USP7: variants seen among roughly 807,000 people sequenced by gnomAD.
The protein encoded by USP7 is ubiquitin C-terminal hydrolase 7.
USP7 carries 9 observed loss-of-function variants against 162.9 expected under a neutral mutation model. The ratio of observed to expected loss-of-function variants is 0.06; its 90% CI spans 0.03 to 0.10. USP7 has a LOEUF of 0.10. USP7 is among the 10% of genes least tolerant of loss of function. The probability of loss-of-function intolerance (pLI) is 1.00; values close to 1 mark genes in which losing one functional copy is unlikely to be tolerated. For synonymous variants in USP7, 562 were observed against 475.9 expected (o/e 1.18, Z -2.35); for missense variants, 715 against 1,373.7 (o/e 0.52, Z 7.58).
intron 1 of USP7, among the ~76,000 whole-genome samples, chr16:8,952,710 A>C (rs1397043229): frequency 6.6e-6 from 1 of 152,170 alleles, no homozygotes; most frequent in Non-Finnish European, 1.5e-5. Flanking sequence ...AGCGATTAGG[A>C]CATGGACACC....
chr16:8,923,672 A>C (rs1221275939), intron 2 of USP7, among the ~76,000 whole-genome samples: 1 of 152,232 alleles, frequency 6.6e-6, no homozygotes, highest in Non-Finnish European at 1.5e-5. Flanking sequence ...TGAGTTCCAC[A>C]TGAGAACAAT....
chr16:8,900,682 T>A, intron 20 of USP7, 52 bp from the exon 21 acceptor site: 2 of 1,316,434 alleles, frequency 1.5e-6, no homozygotes, highest in East Asian at 4.6e-5. Flanking sequence ...TAACGTTTAA[T>A]ATGGCCAGAT....
chr16:8,932,926 T>A (rs1226291417), intron 1 of USP7, among the ~76,000 whole-genome samples: 1 of 152,038 alleles, frequency 6.6e-6, no homozygotes, highest in African/African-American at 2.4e-5. Flanking sequence ...GCCTATTAAA[T>A]AAATTATGGC....
chr16:8,903,489 G>A, intron 15 of USP7, 87 bp from the exon 16 acceptor site: 1 of 1,412,630 alleles, frequency 7.1e-7, no homozygotes, highest in Admixed American at 2.7e-5. Flanking sequence ...CTAAAACGCT[G>A]AAAACTCATT....
At chr16:8,901,569 G>A (rs755535518) in intron 18 of USP7, among the ~76,000 whole-genome samples, 6 of 152,094 alleles carry the variant, frequency 3.9e-5, no homozygotes, top group African/African-American at 7.2e-5. Flanking sequence ...GGAAGATTGC[G>A]CATGGTCTTG....
rs114539916 is a variant in USP7 at position 8,940,733 on chromosome 16, T to A, written c.80-10336A>T. ...ATCAGAGGCTGTGGAGTGAGATCAATCCCCTCTGCGAGGCCTCTCCTAGGT... is the reference window on the plus strand; with the variant it reads ...ATCAGAGGCTGTGGAGTGAGATCAAACCCCTCTGCGAGGCCTCTCCTAGGT... On this transcript the variant is annotated intron_variant, in intron 1 of 30. Transcript: ENST00000344836. Among the ~76,000 whole-genome samples the A allele has an allele frequency of 8.3e-3, 1,262 of 152,184 alleles. 21 individuals are homozygous for A. Among genetic ancestry groups the A allele is most frequent in the African/African-American group, 0.028 (1,154 of 41,536 alleles).
chr16:8,892,606 T>TAAAAAAAAAAAAAAAAAAAAAAAAAA lies in USP7; in HGVS notation c.*1391_*1392insTTTTTTTTTTTTTTTTTTTTTTTTTT. 1 of 120,020 alleles carries TAAAAAAAAAAAAAAAAAAAAAAAAAA rather than the reference T, an allele frequency of 8.3e-6. No homozygotes were observed. The highest frequency in any genetic ancestry group is 1.7e-5 in the Non-Finnish European group (1 of 57,826). 7.4% of individuals were successfully genotyped at this position (120,020 alleles called of 1,614,324 possible). ...AGAGTAAATGTGACTAGTTAGAGGC[T>TAAAAAAAAAAAAAAAAAAAAAAAAAA]AAAAAAAAAAAAAAAAAAAAAAAGA... On this transcript the variant is annotated 3_prime_UTR_variant, in exon 31 of 31. Transcript: ENST00000344836.
rs760295224 is a variant in USP7, at chr16:8,899,723, T to C, written c.2344A>G (p.Thr782Ala). Residue 782 changes from threonine to alanine, a missense_variant, in exon 22 of 31, where the codon ACC (threonine) becomes GCC (alanine). By Grantham distance (58) the Thr-to-Ala change is moderately conservative (BLOSUM62 0). This residue lies in a region of USP7 where 222 missense variants were observed against 441.7 expected (regional missense o/e 0.50). Transcript: ENST00000344836. ...AGATCTCGGAAATACTCCTTTGCGGTGGGTAATTCACTGTTATCATTTTCA... is the reference window on the plus strand; with the variant it reads ...AGATCTCGGAAATACTCCTTTGCGGCGGGTAATTCACTGTTATCATTTTCA... ...DPENDNSELP[T>A]AKEYFRDLYH... 6.2e-7 allele frequency: 1 copy of C among 1,613,498 alleles called. No homozygotes were observed. The highest frequency in any genetic ancestry group is 1.1e-5 in the South Asian group (1 of 91,036).
rs2061617248 is a variant in USP7 at position 8,892,682 on chromosome 16, C to T, written c.*1316G>A. 6.6e-6 allele frequency: 1 copy of T among 150,996 alleles called. No individual in the cohort carries two copies. The highest frequency in any genetic ancestry group is 3.5e-3 in the Middle Eastern group (1 of 286). The allele number at this position is 150,996 out of a possible 1,614,324, so 9.4% of individuals were successfully genotyped here. On this transcript the variant is annotated 3_prime_UTR_variant, in exon 31 of 31. Transcript: ENST00000344836. ...CGGAATTAGAAGGAAAAGTACATCT[C>T]AGTGAAACCTTGTTACAAATGCCAA...
Position 8,892,128 on chromosome 16 carries a change from G to A in USP7, c.*1870C>T, listed in dbSNP as rs2061607444. ...AAAAGAGTCATTTAATACCTTAAGGGAGAGTAGGAACTTTCAGTTACCTAA... is the reference window on the plus strand; with the variant it reads ...AAAAGAGTCATTTAATACCTTAAGGAAGAGTAGGAACTTTCAGTTACCTAA... On this transcript the variant is annotated 3_prime_UTR_variant, in exon 31 of 31. Coordinates refer to ENST00000344836, the MANE Select transcript of USP7 (RefSeq NM_003470.3). 1 of 152,200 alleles carries A rather than the reference G, an allele frequency of 6.6e-6. No homozygotes were observed. Among genetic ancestry groups the A allele is most frequent in the Non-Finnish European group, 1.5e-5 (1 of 68,030 alleles). The allele number at this position is 152,200 out of a possible 1,614,324, so 9.4% of individuals were successfully genotyped here.
Position 8,902,465 on chromosome 16 carries a change from T to G in USP7, c.1857A>C (p.Gln619His). The change falls in exon 17 of 31, where the codon CAA becomes CAC. Residue 619 changes from glutamine (Q) to histidine (H), a missense_variant. By Grantham distance (24) the Gln-to-His change is conservative. This residue lies in a region of USP7 where 197 missense variants were observed against 306.5 expected (regional missense o/e 0.64). Coordinates refer to ENST00000344836, the MANE Select transcript of USP7 (RefSeq NM_003470.3). Reference protein sequence around the residue: ...LSQTMGFPQDQIRLWPMQARS... With the variant: ...LSQTMGFPQDHIRLWPMQARS... ...TTGCTTGCATGGGCCACAATCGAAT[T>G]TGATCTTGTGGAAATCCCTGAAAAA... is the stretch of plus-strand genomic sequence containing the variant. The G allele has an allele frequency of 6.2e-7, 1 of 1,613,878 alleles. No homozygotes were observed. Among genetic ancestry groups the G allele is most frequent in the Non-Finnish European group, 8.5e-7 (1 of 1,179,978 alleles).
At chr16:8,947,015 TACC>T (rs1567244132) in intron 1 of USP7, among the ~76,000 whole-genome samples, 1 of 152,198 alleles carries the variant, frequency 6.6e-6, no homozygotes, top group Non-Finnish European at 1.5e-5. Context: ...TTCATTAAGT[TACC>T]ACTTGTTTTG....
intron 1 of USP7, among the ~76,000 whole-genome samples, chr16:8,961,406 C>A (rs1374880043): frequency 1.3e-5 from 2 of 149,016 alleles, no homozygotes; most frequent in African/African-American, 2.5e-5. Flanking sequence ...GCAGGAAAAT[C>A]GCTTGAACCC....
chr16:8,926,431 A>G (rs1395911938), intron 2 of USP7, among the ~76,000 whole-genome samples: 1 of 152,174 alleles, frequency 6.6e-6, no homozygotes, highest in African/African-American at 2.4e-5. Context: ...CTGAGCTGAG[A>G]TCATGGCATT....
intron 1 of USP7, among the ~76,000 whole-genome samples, chr16:8,946,678 G>A (rs529908008): frequency 6.6e-6 from 1 of 152,252 alleles, no homozygotes; most frequent in South Asian, 2.1e-4. Flanking sequence ...CCAATAATCT[G>A]GTCACTGGCC....
At chr16:8,921,319 C>G in intron 3 of USP7, 24 bp from the exon 4 acceptor site, 1 of 1,605,576 alleles carries the variant, frequency 6.2e-7, no homozygotes, top group East Asian at 2.2e-5. Flanking sequence ...TAATCTGAGC[C>G]TTAGTTGACA....
chr16:8,906,698 T>C (rs1056451069), intron 12 of USP7, 116 bp from the exon 13 acceptor site: 17 of 1,102,056 alleles, frequency 1.5e-5, no homozygotes, highest in Non-Finnish European at 1.8e-5. Context: ...TAAGCATGAA[T>C]TGCCTTGGGA....
At position 8,899,129 on chromosome 16, in the gene USP7, C is replaced by T. The variant is rs2141168021; in HGVS notation, c.2523G>A (p.Lys841=). The T allele has an allele frequency of 1.2e-6, 2 of 1,614,208 alleles. No individual in the cohort carries two copies. Among genetic ancestry groups the T allele is most frequent in the Non-Finnish European group, 1.7e-6 (2 of 1,180,046 alleles). The change falls in exon 23 of 31, where the codon AAG becomes AAA. Residue 841 remains lysine, a synonymous_variant. Coordinates refer to ENST00000344836, the MANE Select transcript of USP7 (RefSeq NM_003470.3). ...CCACACATGTGACCTACCCTTGAGACTTGAAAAACTGCAGCAACATTGGAT... is the reference window on the plus strand; with the variant it reads ...CCACACATGTGACCTACCCTTGAGATTTGAAAAACTGCAGCAACATTGGAT... ...NTDPMLLQFF[K]SQGYRDGPGN...
chr16:8,892,759 G>C lies in USP7; in HGVS notation c.*1239C>G, dbSNP rs916559128. On this transcript the variant is annotated 3_prime_UTR_variant, in exon 31 of 31. Coordinates refer to ENST00000344836, the MANE Select transcript of USP7 (RefSeq NM_003470.3). ...AGTAGAAATCTTCCTCCACTTCCAC[G>C]TAACTCACTGAATTATAATTTTTAT... 6.6e-6 allele frequency: 1 copy of C among 152,092 alleles called. No homozygotes were observed. The highest frequency in any genetic ancestry group is 6.6e-5 in the Admixed American group (1 of 15,260). 9.4% of individuals were successfully genotyped at this position (152,092 alleles called of 1,614,324 possible).
Sources: allele counts gnomAD v4.1 joint callset (sites outside exome capture counted in the v4.1 genomes callset), GRCh38; gene constraint gnomAD v4.1.1; regional missense constraint gnomAD v4.1.1; transcripts MANE v1.5; gene names NCBI Gene and HGNC (gene_info 2026-07-23, HGNC 2026-07-21).